Variants in ADAM28 observed in about 807,000 individuals in gnomAD.
ADAM28 encodes the protein ADAM metallopeptidase domain 28.
A neutral mutation model predicts 101.2 loss-of-function variants in ADAM28; 105 were observed. That is an observed-to-expected ratio of 1.04 (90% CI 0.89 to 1.22). ADAM28 has a LOEUF of 1.22. ADAM28 is among the 50% of genes most tolerant of loss of function. The pLI is 0.00. For synonymous variants in ADAM28, 322 were observed against 310.6 expected (o/e 1.04, Z -0.39); for missense variants, 1,028 against 945.4 (o/e 1.09, Z -1.15).
At position 24,341,655 on chromosome 8, in the gene ADAM28, A is replaced by C. The variant is rs1814781343; in HGVS notation, c.1728A>C (p.Lys576Asn). The change falls in exon 16 of 23, where the codon AAA becomes AAC. Residue 576 changes from lysine (K) to asparagine (N), a missense_variant. Lys to Asn is a moderately conservative substitution (Grantham distance 94). Coordinates refer to ENST00000265769, the MANE Select transcript of ADAM28 (RefSeq NM_014265.6). ...GTGGGTCGGATAATTTGCCCTGGAA[A>C]GGACGGATAGTGACTTTCCTGACAT... ...CQGGSDNLPW[K>N]GRIVTFLTCK... 3 of 1,613,798 alleles carry C rather than the reference A, an allele frequency of 1.9e-6. No individual in the cohort carries two copies. The highest frequency in any genetic ancestry group is 2.5e-6 in the Non-Finnish European group (3 of 1,179,842).
intron 14 of ADAM28, among the ~76,000 whole-genome samples, chr8:24,336,535 G>C (rs1432304313): frequency 2.8e-5 from 4 of 142,674 alleles, no homozygotes; most frequent in Non-Finnish European, 6.0e-5. Flanking sequence ...AGCAGAGATC[G>C]TGCCACTGCA....
chr8:24,312,218 T>C (rs1296428029), intron 5 of ADAM28, among the ~76,000 whole-genome samples: 1 of 152,192 alleles, frequency 6.6e-6, no homozygotes, highest in Admixed American at 6.5e-5. Flanking sequence ...ATATTTTCAG[T>C]TGGATATCTT....
rs753697548 is a variant in ADAM28 at position 24,351,304 on chromosome 8, C to A, written c.2172C>A (p.Pro724=). Residue 724 remains proline, a synonymous_variant, in exon 20 of 23, where the codon CCC becomes CCA. Coordinates refer to ENST00000265769, the MANE Select transcript of ADAM28 (RefSeq NM_014265.6). ...CCCAGATGGTAAAGGCTGTTCAACC[C>A]CAAGAGGTGAACTATATAGTCTGGG... ...RKPQMVKAVQ[P]QEMSQMKPHV... The A allele has an allele frequency of 6.2e-7, 1 of 1,613,494 alleles. No individual in the cohort carries two copies. Among genetic ancestry groups the A allele is most frequent in the Non-Finnish European group, 8.5e-7 (1 of 1,179,572 alleles).
intron 18 of ADAM28, among the ~76,000 whole-genome samples, chr8:24,347,504 G>A (rs115572667): frequency 2.6e-5 from 4 of 152,072 alleles, no homozygotes; most frequent in African/African-American, 7.2e-5. Context: ...TTTCATATAC[G>A]TGTTCTGTAG....
In ADAM28 at chr8:24,321,229, C is replaced by T. The variant is rs1280857048; in HGVS notation, c.660C>T (p.Tyr220=). 4 of 1,600,314 alleles carry T rather than the reference C, an allele frequency of 2.5e-6. No homozygotes were observed. Among genetic ancestry groups the T allele is most frequent in the Admixed American group, 3.3e-5 (2 of 59,766 alleles). Residue 220 remains tyrosine, a synonymous_variant, in exon 8 of 23, where the codon TAC becomes TAT. Transcript: ENST00000265769. The part of the protein sequence containing the change: ...LVLDNGEFKR[Y]NENQDEIRKR... ...AATTTTTCTTTTAGTTTAAAAGGTA[C>T]AATGAGAATCAAGATGAGATCAGAA... is the stretch of plus-strand genomic sequence containing the variant.
intron 8 of ADAM28, among the ~76,000 whole-genome samples, chr8:24,322,413 G>A (rs1014303700): frequency 1.3e-5 from 2 of 151,988 alleles, no homozygotes; most frequent in African/African-American, 4.8e-5. Flanking sequence ...GGACAGTTGT[G>A]AAAGTCGGAT....
chr8:24,329,770 C>T (rs558491122), intron 10 of ADAM28, among the ~76,000 whole-genome samples: 41 of 152,006 alleles, frequency 2.7e-4, no homozygotes, highest in African/African-American at 9.9e-4. Context: ...TTATAGGAAC[C>T]TACTCAAAGA....
At position 24,351,310 on chromosome 8, in the gene ADAM28, G is replaced by A. The variant is rs1280093972; in HGVS notation, c.2178G>A (p.Glu726=). 17 of 1,613,158 alleles carry A rather than the reference G, an allele frequency of 1.1e-5. No homozygotes were observed. The highest frequency in any genetic ancestry group is 1.2e-5 in the Non-Finnish European group (14 of 1,179,420). The change falls in exon 20 of 23, where the codon GAG becomes GAA. Residue 726 remains glutamate, a splice_region_variant and synonymous_variant. Transcript: ENST00000265769. ...PQMVKAVQPQ[E]MSQMKPHVYD... ...TGGTAAAGGCTGTTCAACCCCAAGAGGTGAACTATATAGTCTGGGCTGTGA... is the reference window on the plus strand; with the variant it reads ...TGGTAAAGGCTGTTCAACCCCAAGAAGTGAACTATATAGTCTGGGCTGTGA...
At chr8:24,351,387 T>C (rs770092517) in intron 20 of ADAM28, 77 bp downstream of exon 20, 2 of 1,380,090 alleles carry the variant, frequency 1.4e-6, no homozygotes, top group Non-Finnish European at 1.0e-6. Flanking sequence ...TGACTACCTA[T>C]CTATCATTTC....
chr8:24,314,131 G>T (rs76260784), intron 6 of ADAM28, among the ~76,000 whole-genome samples: 1 of 152,100 alleles, frequency 6.6e-6, no homozygotes, highest in African/African-American at 2.4e-5. Context: ...CTAGAAGCAG[G>T]AATCTGTCAC....
intron 2 of ADAM28, 64 bp from the exon 3 acceptor site, chr8:24,309,826 CAGAT>C (rs1810205722): frequency 4.2e-6 from 5 of 1,190,842 alleles, no homozygotes; most frequent in Middle Eastern, 4.5e-4. Flanking sequence ...AATGACTACA[CAGAT>C]AGAAATATAA....
At chr8:24,318,930 A>T (rs1332271164) in intron 6 of ADAM28, among the ~76,000 whole-genome samples, 1 of 151,930 alleles carries the variant, frequency 6.6e-6, no homozygotes, top group Non-Finnish European at 1.5e-5. Flanking sequence ...ATCACATCAC[A>T]TCCGTTTTCT....
At chr8:24,312,117 T>C (rs1190892895) in intron 5 of ADAM28, among the ~76,000 whole-genome samples, 3 of 152,206 alleles carry the variant, frequency 2.0e-5, no homozygotes, top group Non-Finnish European at 4.4e-5. Context: ...TTCTGTCTGT[T>C]AATGATATAC....
intron 2 of ADAM28, among the ~76,000 whole-genome samples, chr8:24,309,062 CCT>C (rs1810081559): frequency 6.6e-6 from 1 of 152,140 alleles, no homozygotes; most frequent in Non-Finnish European, 1.5e-5. Flanking sequence ...AGCCAATAAC[CCT>C]GTTTTATAGA....
intron 9 of ADAM28, among the ~76,000 whole-genome samples, chr8:24,326,203 C>G (rs747642926): frequency 2.2e-4 from 34 of 151,868 alleles, no homozygotes; most frequent in Middle Eastern, 3.4e-3. Flanking sequence ...AAAAACAAAG[C>G]CTGTGTGGTA....
chr8:24,318,077 G>C (rs1010093462), intron 6 of ADAM28, among the ~76,000 whole-genome samples: 2 of 151,992 alleles, frequency 1.3e-5, no homozygotes, highest in African/African-American at 2.4e-5. Flanking sequence ...AATGGATTAA[G>C]GTACAGAAAC....
intron 10 of ADAM28, among the ~76,000 whole-genome samples, chr8:24,328,946 G>T (rs769089140): frequency 6.6e-6 from 1 of 151,662 alleles, no homozygotes; most frequent in Non-Finnish European, 1.5e-5. Flanking sequence ...GACCTCAAAG[G>T]GTAGGTAGGA....
intron 16 of ADAM28, 80 bp from the exon 17 acceptor site, chr8:24,343,021 C>A: frequency 6.3e-7 from 1 of 1,596,952 alleles, no homozygotes; most frequent in South Asian, 1.1e-5. Context: ...ACAACATCTG[C>A]TAGCCTCTTC....
intron 2 of ADAM28, chr8:24,308,634 T>C (rs1212863039): frequency 6.6e-6 from 3 of 456,234 alleles, no homozygotes; most frequent in East Asian, 6.9e-5. Flanking sequence ...GCCCTTTCTC[T>C]TTCCAGTTCC....
Sources: allele counts gnomAD v4.1 joint callset (sites outside exome capture counted in the v4.1 genomes callset), GRCh38; gene constraint gnomAD v4.1.1; transcripts MANE v1.5; gene names NCBI Gene and HGNC (gene_info 2026-07-23, HGNC 2026-07-21).